The following ZBTB40 variants were observed in gnomAD, a reference collection of about 807,000 sequenced individuals.
The protein encoded by ZBTB40 is zinc finger and BTB domain containing 40.
In ZBTB40, 60 loss-of-function variants were observed where a neutral mutation model predicts 117.5. The observed-to-expected ratio is 0.51, with a 90% CI of 0.41 to 0.63. ZBTB40 has a LOEUF of 0.63. ZBTB40 is among the 30% of genes least tolerant of loss of function. The probability of loss-of-function intolerance (pLI) is 0.00; values close to 1 mark genes in which losing one functional copy is unlikely to be tolerated. For missense variants in ZBTB40, 1,287 were observed against 1,498.5 expected, an observed-to-expected ratio of 0.86 and a Z score of 2.33; for synonymous variants, 525 against 577.1, an observed-to-expected ratio of 0.91 and a Z score of 1.29.
rs139171478 is a variant in ZBTB40 at position 22,472,616 on chromosome 1, A to G, written c.-69-17264A>G. ...AGAAGTAGAGGTGTTTGATTCTGTG[A>G]GAGACGACAGATGGCATAATGGCTA... is the stretch of plus-strand genomic sequence containing the variant. On this transcript the variant is annotated intron_variant, in intron 1 of 17. Transcript: ENST00000375647. Among the ~76,000 whole-genome samples the G allele has an allele frequency of 2.4e-4, 37 of 152,346 alleles. No individual in the cohort carries two copies. The East Asian group carries it at 7.1e-3, about 29-fold the overall frequency.
rs1457867449 is a variant in ZBTB40 at position 22,496,992 on chromosome 1, GCAAAC to G, written c.832-4497_832-4493del. On this transcript the variant is annotated intron_variant, in intron 3 of 17. Coordinates refer to ENST00000375647, the MANE Select transcript of ZBTB40 (RefSeq NM_014870.4). ...TTTGCCAAAGGCCGGAGAGCCCTTG[GCAAAC>G]CACCGGTGTAAGTCCAAGAATGCAA... is the stretch of plus-strand genomic sequence containing the variant. 2.0e-5 allele frequency among the ~76,000 whole-genome samples: 3 copies of G among 152,324 alleles called. No homozygotes were observed. In the East Asian group the frequency reaches 5.8e-4, roughly 29 times the overall value.
At chr1:22,500,792 A>G (rs540155767) in intron 3 of ZBTB40, among the ~76,000 whole-genome samples, 44 of 152,380 alleles carry the variant, frequency 2.9e-4, no homozygotes, top group African/African-American at 1.0e-3. Context: ...TACAGCTGGC[A>G]ACTACAAGCC....
intron 1 of ZBTB40, among the ~76,000 whole-genome samples, chr1:22,458,568 G>A (rs1641057460): frequency 6.6e-6 from 1 of 152,142 alleles, no homozygotes; most frequent in African/African-American, 2.4e-5. Flanking sequence ...TGCTGTTTGG[G>A]TTTTCTGTTA....
At position 22,529,628 on chromosome 1, in the gene ZBTB40, T is replaced by G. The variant is rs878866753; in HGVS notation, c.*3232T>G. On this transcript the variant is annotated 3_prime_UTR_variant, in exon 18 of 18. Coordinates refer to ENST00000375647, the MANE Select transcript of ZBTB40 (RefSeq NM_014870.4). The stretch of plus-strand genomic sequence containing the variant: ...GCAGGGACCAGGGGTCTTTACTCAT[T>G]TATTTTATGGGTAAAGAGACATGAA... The G allele has an allele frequency of 2.6e-5, 4 of 152,266 alleles. No individual in the cohort carries two copies. In the South Asian group the frequency reaches 8.3e-4, roughly 32 times the overall value. 9.4% of individuals were successfully genotyped at this position (152,266 alleles called of 1,614,324 possible). A position where few individuals can be genotyped will look rare whatever the true frequency, so the allele number is the denominator to read the frequency against.
At chr1:22,430,329 C>A (rs1183291485) in intron 1 of ZBTB40, among the ~76,000 whole-genome samples, 2 of 152,174 alleles carry the variant, frequency 1.3e-5, no homozygotes, top group African/African-American at 4.8e-5. Context: ...GTCGCTCACA[C>A]CTGTAATACC....
intron 16 of ZBTB40, 56 bp downstream of exon 16, chr1:22,522,519 C>T: frequency 1.3e-6 from 2 of 1,544,568 alleles, no homozygotes; most frequent in South Asian, 1.1e-5. Context: ...AATCTCCCCT[C>T]CACCACTTGC....
intron 1 of ZBTB40, among the ~76,000 whole-genome samples, chr1:22,462,379 T>A (rs1641152741): frequency 6.6e-6 from 1 of 152,194 alleles, no homozygotes; most frequent in African/African-American, 2.4e-5. Context: ...ATAGTAACTA[T>A]CTCACTGGTT....
At position 22,506,254 on chromosome 1, in the gene ZBTB40, T is replaced by C; in HGVS notation, c.1360+13T>C. On this transcript the variant is annotated intron_variant, in intron 6 of 17. Coordinates refer to ENST00000375647, the MANE Select transcript of ZBTB40 (RefSeq NM_014870.4). Reference sequence around the variant, plus strand: ...CCAAGCACCACAGGTATTAGTAAATTGTTGACTCTCTGGACTGGAACCACT... The same window carrying C: ...CCAAGCACCACAGGTATTAGTAAATCGTTGACTCTCTGGACTGGAACCACT... 1.2e-6 allele frequency: 2 copies of C among 1,613,738 alleles called. No individual in the cohort carries two copies. The highest frequency in any genetic ancestry group is 1.7e-6 in the Non-Finnish European group (2 of 1,179,864).
intron 3 of ZBTB40, among the ~76,000 whole-genome samples, chr1:22,493,851 A>G (rs1338871612): frequency 7.2e-6 from 1 of 138,414 alleles, no homozygotes; most frequent in Non-Finnish European, 1.5e-5. Context: ...GTACGCCCCT[A>G]GTGTTGTGTG....
chr1:22,443,582 A>T (rs7544915), intron 1 of ZBTB40, among the ~76,000 whole-genome samples: 52,690 of 152,052 alleles, frequency 0.35, 10,686 homozygotes, highest in African/African-American at 0.53. Flanking sequence ...TTCAGAGAGA[A>T]TAGATGGTAA....
intron 3 of ZBTB40, among the ~76,000 whole-genome samples, chr1:22,492,418 C>T (rs564029764): frequency 1.3e-5 from 2 of 152,192 alleles, no homozygotes; most frequent in Admixed American, 6.5e-5. Flanking sequence ...CCTGACCCTG[C>T]AGGATTCGAC....
At chr1:22,443,124 A>G (rs544719125) in intron 1 of ZBTB40, among the ~76,000 whole-genome samples, 2 of 152,350 alleles carry the variant, frequency 1.3e-5, no homozygotes, top group South Asian at 2.1e-4. Context: ...TCTCTCGAAC[A>G]AAGTCTCAAC....
In ZBTB40 at chr1:22,463,110, C is replaced by T. The variant is rs193006386; in HGVS notation, c.-70+11106C>T. On this transcript the variant is annotated intron_variant, in intron 1 of 17. Transcript: ENST00000375647. ...ATGAAATAAGCACTAATATTATCCC[C>T]ATTTTACATATGAGAAGACTGAGGC... Among the ~76,000 whole-genome samples, 91 of 152,292 alleles carry T rather than the reference C, an allele frequency of 6.0e-4. 1 individual carries two copies. The highest frequency in any genetic ancestry group is 2.0e-3 in the African/African-American group (85 of 41,558).
At chr1:22,484,178 A>G (rs576795673) in intron 1 of ZBTB40, among the ~76,000 whole-genome samples, 27 of 152,322 alleles carry the variant, frequency 1.8e-4, no homozygotes, top group South Asian at 1.7e-3. Context: ...TGTTGAAGTC[A>G]TTATCAGTCC....
chr1:22,514,127 A>T (rs1557519946), intron 12 of ZBTB40, among the ~76,000 whole-genome samples: 1 of 152,204 alleles, frequency 6.6e-6, no homozygotes, highest in East Asian at 1.9e-4. Flanking sequence ...ATGAGGAAGG[A>T]TGGAGAAGGG....
intron 3 of ZBTB40, among the ~76,000 whole-genome samples, chr1:22,494,786 T>G (rs1638729140): frequency 6.6e-6 from 1 of 152,204 alleles, no homozygotes; most frequent in African/African-American, 2.4e-5. Flanking sequence ...TAAGACTTGA[T>G]CCCTGTCCTT....
chr1:22,468,593 A>G (rs1641320664), intron 1 of ZBTB40, among the ~76,000 whole-genome samples: 1 of 123,728 alleles, frequency 8.1e-6, no homozygotes, highest in Non-Finnish European at 1.6e-5. Context: ...CTCCTCCCTC[A>G]GCCTTCCAAC....
At chr1:22,447,960 G>A (rs139967833), upstream of ZBTB40, among the ~76,000 whole-genome samples, 101 of 152,252 alleles carry the variant, frequency 6.6e-4, no homozygotes, top group African/African-American at 2.4e-3. Context: ...AGCATATGTC[G>A]AGCCTCCAGC....
chr1:22,438,528 T>C (rs1359403298), intron 1 of ZBTB40, among the ~76,000 whole-genome samples: 1 of 152,154 alleles, frequency 6.6e-6, no homozygotes, highest in Non-Finnish European at 1.5e-5. Context: ...AATTTTGGAG[T>C]ATACACCCAG....
Sources: gnomAD v4.1 joint callset for allele counts (sites outside exome capture counted in the v4.1 genomes callset) on GRCh38, gnomAD v4.1.1 for gene constraint, MANE v1.5 for transcripts, NCBI Gene and HGNC (gene_info 2026-07-23, HGNC 2026-07-21) for gene names.